The following MAP7D3 variants were observed in gnomAD, a reference collection of about 807,000 sequenced individuals.
MAP7D3 encodes the protein MAP7 domain-containing protein 3.
Under a neutral mutation model 62.2 loss-of-function variants are expected in MAP7D3, and 45 were observed. The ratio of observed to expected loss-of-function variants is 0.72; its 90% CI spans 0.57 to 0.93. The LOEUF (loss-of-function observed/expected upper bound fraction) is 0.93. Ranked by LOEUF, MAP7D3 falls within the 40% of genes least tolerant of loss-of-function variation. The probability of loss-of-function intolerance (pLI) is 0.00; values close to 1 mark genes in which losing one functional copy is unlikely to be tolerated. For missense variants in MAP7D3, 711 were observed against 683.1 expected (o/e 1.04, Z -0.45); for synonymous variants, 288 against 248.8 (o/e 1.16, Z -1.48).
rs376532451 is a variant in MAP7D3 at position 136,228,514 on chromosome X, A to T, written c.1886+109T>A. The T allele has an allele frequency of 5.6e-5, 45 of 804,831 alleles. No homozygotes were observed. The East Asian group carries it at 7.1e-4, about 13-fold the overall frequency. 66.3% of individuals were successfully genotyped at this position (804,831 alleles called of 1,213,427 possible). ...GAGGCACTTCTGATCCTCACTGAAG[A>T]AAGTCAATTGTTCTTTGAGAATTTA... is the stretch of plus-strand genomic sequence containing the variant. On this transcript the variant is annotated intron_variant, in intron 11 of 18. Coordinates refer to ENST00000316077, the MANE Select transcript of MAP7D3 (RefSeq NM_024597.4).
downstream of MAP7D3, among the ~76,000 whole-genome samples, chrX:136,215,887 G>A (rs996226678): frequency 6.3e-5 from 7 of 111,601 alleles, no homozygotes; most frequent in African/African-American, 2.3e-4. Context: ...CTGAATGTGA[G>A]AATTAAAGGG....
intron 6 of MAP7D3, 31 bp downstream of exon 6, chrX:136,240,351 A>G (rs2074375135): frequency 3.4e-6 from 3 of 870,973 alleles, no homozygotes; most frequent in Non-Finnish European, 5.1e-6. Flanking sequence ...TTTAATAGAA[A>G]TTCAGTAGAA....
At chrX:136,256,355 G>T, upstream of MAP7D3, 1 of 1,150,582 alleles carries the variant, frequency 8.7e-7, no homozygotes, top group South Asian at 1.9e-5. Context: ...CTCAGCTCTG[G>T]AATTCCCACT....
intron 13 of MAP7D3, 123 bp downstream of exon 13, chrX:136,225,786 G>T: frequency 2.2e-6 from 1 of 460,122 alleles, no homozygotes; most frequent in Non-Finnish European, 3.7e-6. Flanking sequence ...GAAGAGAATC[G>T]AGTGGGAAAA....
At chrX:136,224,949 T>C (rs2074177770) in intron 13 of MAP7D3, 69 bp from the exon 14 acceptor site, 3 of 716,317 alleles carry the variant, frequency 4.2e-6, no homozygotes, top group East Asian at 3.4e-5. Context: ...CCTAAAGGAG[T>C]TGATTATCCC....
At chrX:136,254,385 G>A (rs2074540000), upstream of MAP7D3, among the ~76,000 whole-genome samples, 1 of 111,037 alleles carries the variant, frequency 9.0e-6, no homozygotes, top group Non-Finnish European at 1.9e-5. Flanking sequence ...GCGCCCAGCC[G>A]AGTTTTTTTC....
rs1322782164 is a variant in MAP7D3, at chrX:136,219,676, A to G, written c.2487-5T>C. On this transcript the variant is annotated splice_region_variant and splice_polypyrimidine_tract_variant and intron_variant, in intron 16 of 18. Transcript: ENST00000316077. ...GTCATTCTTTTGGAAGATGGTCTGG[A>G]AAGAGACAGTTTGGTTAGAATCCCA... The G allele has an allele frequency of 8.4e-7, 1 of 1,193,359 alleles. No individual in the cohort carries two copies. The highest frequency in any genetic ancestry group is 1.8e-5 in the South Asian group (1 of 56,644).
At chrX:136,239,244 T>C (rs2074362612) in intron 6 of MAP7D3, among the ~76,000 whole-genome samples, 2 of 112,230 alleles carry the variant, frequency 1.8e-5, no homozygotes, top group African/African-American at 6.5e-5. Flanking sequence ...CACTTGGGTA[T>C]AGATTTTTCT....
intron 15 of MAP7D3, 114 bp downstream of exon 15, chrX:136,222,279 T>A: frequency 2.0e-6 from 1 of 495,541 alleles, no homozygotes; most frequent in East Asian, 3.5e-5. Context: ...CTTTTTCAGA[T>A]GGGAAAAACT....
chrX:136,242,220 G>C (rs2074397792), intron 4 of MAP7D3, among the ~76,000 whole-genome samples: 1 of 112,329 alleles, frequency 8.9e-6, no homozygotes, highest in Admixed American at 9.4e-5. Context: ...TAACAGAAAG[G>C]CAGTTGTTCT....
chrX:136,231,026 CT>C (rs34471049), intron 8 of MAP7D3, 60 bp from the exon 9 acceptor site: 90,384 of 573,031 alleles, frequency 0.16, 2 homozygotes, highest in East Asian at 0.2. Context: ...CTGCAGCTGG[CT>C]TTTTTTTTTT....
chrX:136,244,715 TTC>T lies in MAP7D3; in HGVS notation c.332_333del (p.Arg111LysfsTer25). 3 of 1,204,343 alleles carry T rather than the reference TTC, an allele frequency of 2.5e-6. No individual in the cohort carries two copies. The highest frequency in any genetic ancestry group is 3.4e-6 in the Non-Finnish European group (3 of 888,906). On this transcript the variant is annotated frameshift_variant, in exon 4 of 19. Transcript: ENST00000316077. LOFTEE classifies it high-confidence loss of function. Reference sequence around the variant, plus strand: ...TCTTTCTCTTTTCGCTCCTTCAGCTTTCTCTGTCTTTCCTCCATCTGTTTTTC... The same window carrying T: ...TCTTTCTCTTTTCGCTCCTTCAGCTTTCTGTCTTTCCTCCATCTGTTTTTC... Reference protein sequence around the residue: ...QYEKQMEERQRKLKERKEKEE... With the variant: ...QYEKQMEERQXKLKERKEKEE...
chrX:136,232,626 T>C (rs1216184620), intron 7 of MAP7D3, among the ~76,000 whole-genome samples: 2 of 112,400 alleles, frequency 1.8e-5, no homozygotes, highest in Non-Finnish European at 3.8e-5. Context: ...CTTACCATTA[T>C]AGGTGATTAT....
rs148588752 is a variant in MAP7D3 at position 136,231,678 on chromosome X, T to C, written c.1279A>G (p.Lys427Glu). 7.1e-4 allele frequency: 863 copies of C among 1,209,029 alleles called. 4 individuals carry two copies. The African/African-American group carries it at 0.013, about 18-fold the overall frequency. Reference protein sequence around the residue: ...PPKGSAEVAPKESVKGSPKES... With the variant: ...PPKGSAEVAPEESVKGSPKES... ...TTGGGTGACCCTTTCACACTCTCCT[T>C]GGGGGCTACTTCTGCGCTCCCCTTG... is the stretch of plus-strand genomic sequence containing the variant. The change falls in exon 8 of 19, where the codon AAG becomes GAG. Residue 427 changes from lysine to glutamate, a missense_variant. Lys to Glu is a moderately conservative substitution (Grantham distance 56, BLOSUM62 1). Transcript: ENST00000316077.
intron 7 of MAP7D3, among the ~76,000 whole-genome samples, chrX:136,234,241 G>A (rs1026239401): frequency 9.1e-6 from 1 of 110,190 alleles, no homozygotes; most frequent in Admixed American, 9.7e-5. Context: ...TACTGGGTGG[G>A]GGGGGTGGTC....
At chrX:136,254,879 A>C (rs2148429313), upstream of MAP7D3, among the ~76,000 whole-genome samples, 1 of 107,734 alleles carries the variant, frequency 9.3e-6, no homozygotes, top group South Asian at 4.0e-4. Flanking sequence ...TGACATTAAA[A>C]GTAAAAACAA....
Position 136,230,398 on chromosome X carries a change from A to C in MAP7D3, c.1737T>G (p.His579Gln). The change falls in exon 10 of 19, where the codon CAT becomes CAG. Residue 579 changes from histidine to glutamine, a missense_variant. Transcript: ENST00000316077. ...TNRCEALSQRHMIYEESGNKS... is the reference protein window; with the variant it reads ...TNRCEALSQRQMIYEESGNKS... The stretch of plus-strand genomic sequence containing the variant: ...GAAAGAACTTACCTTCATAGATCAT[A>C]TGCCTTTGGCTCAAAGCCTCACATC... The C allele has an allele frequency of 8.5e-7, 1 of 1,179,291 alleles. No homozygotes were observed. The highest frequency in any genetic ancestry group is 1.2e-6 in the Non-Finnish European group (1 of 866,773).
intron 1 of MAP7D3, among the ~76,000 whole-genome samples, chrX:136,250,978 C>G (rs1322993836): frequency 8.9e-5 from 10 of 111,805 alleles, no homozygotes; most frequent in African/African-American, 3.2e-5. Context: ...CCGCCCCGCC[C>G]GTCGAAGCAG....
Position 136,241,222 on chromosome X carries a change from T to C in MAP7D3, c.473A>G (p.Asp158Gly). Residue 158 changes from aspartate (D) to glycine (G), a missense_variant, in exon 5 of 19, where the codon GAT (aspartate) becomes GGT (glycine). Coordinates refer to ENST00000316077, the MANE Select transcript of MAP7D3 (RefSeq NM_024597.4). Reference sequence around the variant, plus strand: ...CCATGACCATCTTTTTTGCTGATAATCATCAGCAAGTCTCCTCCGTTCCAA... The same window carrying C: ...CCATGACCATCTTTTTTGCTGATAACCATCAGCAAGTCTCCTCCGTTCCAA... ...RTLERRRLADDYQQKRWSWGG... is the reference protein window; with the variant it reads ...RTLERRRLADGYQQKRWSWGG... The C allele has an allele frequency of 8.4e-7, 1 of 1,193,394 alleles. No individual in the cohort carries two copies. The highest frequency in any genetic ancestry group is 1.1e-6 in the Non-Finnish European group (1 of 884,984).
Sources: gnomAD v4.1 joint callset for allele counts (sites outside exome capture counted in the v4.1 genomes callset) on GRCh38, gnomAD v4.1.1 for gene constraint, MANE v1.5 for transcripts, NCBI Gene and HGNC (gene_info 2026-07-23, HGNC 2026-07-21) for gene names.